GABRB1: variants seen among roughly 807,000 people sequenced by gnomAD.
GABRB1 encodes gamma-aminobutyric acid type A receptor subunit beta1, also known as gamma-aminobutyric acid receptor subunit beta-1.
Under a neutral mutation model 51.6 loss-of-function variants are expected in GABRB1, and 17 were observed. That is an observed-to-expected ratio of 0.33 (90% CI 0.23 to 0.49). GABRB1 has a LOEUF of 0.49. Ranked by LOEUF, GABRB1 falls within the 20% of genes least tolerant of loss-of-function variation. The pLI is 0.99. For synonymous variants in GABRB1, 247 were observed against 218.9 expected (o/e 1.13, Z -1.14); for missense variants, 410 against 600.6 (o/e 0.68, Z 3.32).
At chr4:47,116,636 G>A (rs552399946) in intron 3 of GABRB1, among the ~76,000 whole-genome samples, 70 of 152,156 alleles carry the variant, frequency 4.6e-4, no homozygotes, top group Non-Finnish European at 9.1e-4. Flanking sequence ...TTTTCCTTGG[G>A]ATTTCTGATT....
At chr4:47,298,640 TA>T (rs1406854216) in intron 4 of GABRB1, among the ~76,000 whole-genome samples, 3 of 152,128 alleles carry the variant, frequency 2.0e-5, no homozygotes, top group Non-Finnish European at 2.9e-5. Flanking sequence ...GAAGAATCAA[TA>T]TCGTAAAAAT....
chr4:47,273,568 A>T (rs1162560806), intron 4 of GABRB1, among the ~76,000 whole-genome samples: 1 of 152,122 alleles, frequency 6.6e-6, no homozygotes, highest in African/African-American at 2.4e-5. Flanking sequence ...GTGCCAGACT[A>T]CCTGAGTTCG....
rs865893507 is a variant in GABRB1 at position 47,298,439 on chromosome 4, C to T, written c.462-21688C>T. 9.6e-4 allele frequency among the ~76,000 whole-genome samples: 146 copies of T among 152,136 alleles called. No homozygotes were observed. The Middle Eastern group carries it at 0.01, about 11-fold the overall frequency. On this transcript the variant is annotated intron_variant, in intron 4 of 8. Transcript: ENST00000295454. The stretch of plus-strand genomic sequence containing the variant: ...AAAAATCACAAGCATTCTTATACAC[C>T]AATAACAGACAAACAGAGAGCCAAA...
intron 3 of GABRB1, among the ~76,000 whole-genome samples, chr4:47,131,228 C>T (rs191985494): frequency 6.5e-4 from 99 of 152,002 alleles, no homozygotes; most frequent in East Asian, 1.9e-4. Context: ...GGCGCAATCT[C>T]GGTTCACTGC....
intron 4 of GABRB1, among the ~76,000 whole-genome samples, chr4:47,203,487 T>A (rs1211407136): frequency 6.6e-6 from 1 of 152,056 alleles, no homozygotes; most frequent in African/African-American, 2.4e-5. Context: ...GGATATATCA[T>A]ACAAAGAATG....
rs951587417 is a variant in GABRB1 at position 47,143,662 on chromosome 4, A to G, written c.241-17587A>G. On this transcript the variant is annotated intron_variant, in intron 3 of 8. Transcript: ENST00000295454. ...ATCAGATTGATCCTGTACCTTGGTTATTTGTATTTGCATATTCAAAAATAA... is the reference window on the plus strand; with the variant it reads ...ATCAGATTGATCCTGTACCTTGGTTGTTTGTATTTGCATATTCAAAAATAA... 4.6e-5 allele frequency among the ~76,000 whole-genome samples: 7 copies of G among 152,036 alleles called. No homozygotes were observed. In the East Asian group the frequency reaches 1.4e-3, roughly 29 times the overall value.
chr4:47,412,650 G>T (rs1429065831), intron 8 of GABRB1, among the ~76,000 whole-genome samples: 1 of 152,110 alleles, frequency 6.6e-6, no homozygotes, highest in Non-Finnish European at 1.5e-5. Flanking sequence ...GGAAATCAAG[G>T]ATGCGGTCAC....
chr4:47,198,441 T>C (rs185206729), intron 4 of GABRB1, among the ~76,000 whole-genome samples: 1 of 152,218 alleles, frequency 6.6e-6, no homozygotes, highest in East Asian at 1.9e-4. Flanking sequence ...TTGGGAGAAA[T>C]ACAGATGTTA....
chr4:47,263,558 A>G (rs1722533624), intron 4 of GABRB1, among the ~76,000 whole-genome samples: 3 of 152,228 alleles, frequency 2.0e-5, no homozygotes. Flanking sequence ...AATGCTGGTT[A>G]AACACAGAGG....
chr4:47,144,031 T>C (rs1433464704), intron 3 of GABRB1, among the ~76,000 whole-genome samples: 1 of 151,972 alleles, frequency 6.6e-6, no homozygotes, highest in African/African-American at 2.4e-5. Context: ...ATGTATTTGT[T>C]GTTTCTCCTT....
chr4:47,334,318 G>C (rs975482093), intron 5 of GABRB1, among the ~76,000 whole-genome samples: 2 of 152,100 alleles, frequency 1.3e-5, no homozygotes, highest in Admixed American at 6.5e-5. Context: ...TTCCCAGCCT[G>C]TTTGCTTCCT....
At chr4:47,180,849 T>A (rs1021284936) in intron 4 of GABRB1, among the ~76,000 whole-genome samples, 2 of 152,092 alleles carry the variant, frequency 1.3e-5, no homozygotes, top group Non-Finnish European at 2.9e-5. Context: ...TAAGATATTT[T>A]TACAGATAAC....
intron 5 of GABRB1, among the ~76,000 whole-genome samples, chr4:47,370,960 C>T (rs899043030): frequency 2.6e-5 from 4 of 151,976 alleles, no homozygotes; most frequent in Admixed American, 2.0e-4. Context: ...TTCTGGGGTA[C>T]ATGTTCAGGA....
At chr4:47,400,717 C>G (rs1326386922) in intron 5 of GABRB1, among the ~76,000 whole-genome samples, 1 of 152,018 alleles carries the variant, frequency 6.6e-6, no homozygotes, top group African/African-American at 2.4e-5. Flanking sequence ...ATCCCTTACC[C>G]TCCTCCCAGC....
intron 3 of GABRB1, among the ~76,000 whole-genome samples, chr4:47,129,253 G>A (rs924302319): frequency 6.6e-6 from 1 of 152,066 alleles, no homozygotes; most frequent in African/African-American, 2.4e-5. Context: ...GTTCAAAACA[G>A]AGCCTTCTTT....
At chr4:47,281,469 T>C (rs939591675) in intron 4 of GABRB1, among the ~76,000 whole-genome samples, 2 of 152,284 alleles carry the variant, frequency 1.3e-5, no homozygotes, top group Non-Finnish European at 1.5e-5. Context: ...AGTACAATCA[T>C]TTTGGAAAAT....
intron 8 of GABRB1, among the ~76,000 whole-genome samples, chr4:47,421,051 GT>G (rs1729078185): frequency 6.6e-6 from 1 of 151,800 alleles, no homozygotes; most frequent in Admixed American, 6.6e-5. Flanking sequence ...GGCAAGAATT[GT>G]TATATAGCTA....
At position 47,362,310 on chromosome 4, in the gene GABRB1, A is replaced by C. The variant is rs76351815; in HGVS notation, c.545-41008A>C. Among the ~76,000 whole-genome samples, 483 of 152,262 alleles carry C rather than the reference A, an allele frequency of 3.2e-3. 2 individuals carry two copies. The highest frequency in any genetic ancestry group is 0.011 in the African/African-American group (462 of 41,554). ...TCAGAGTGGAGTAAGGTAAATGGAC[A>C]CAGGAATTATGGATAACTCTAGAAA... On this transcript the variant is annotated intron_variant, in intron 5 of 8. Coordinates refer to ENST00000295454, the MANE Select transcript of GABRB1 (RefSeq NM_000812.4).
chr4:47,239,750 C>A (rs1180038643), intron 4 of GABRB1, among the ~76,000 whole-genome samples: 2 of 152,212 alleles, frequency 1.3e-5, no homozygotes, highest in Non-Finnish European at 2.9e-5. Context: ...AAGAGCAATA[C>A]TGTAGCTGTT....
Sources: allele counts gnomAD v4.1 joint callset (sites outside exome capture counted in the v4.1 genomes callset), GRCh38; gene constraint gnomAD v4.1.1; transcripts MANE v1.5; gene names NCBI Gene and HGNC (gene_info 2026-07-23, HGNC 2026-07-21).